The following DNASE2B variants were observed in gnomAD, a reference collection of about 807,000 sequenced individuals.
The protein encoded by DNASE2B is deoxyribonuclease 2 beta.
In DNASE2B, 43 loss-of-function variants were observed where a neutral mutation model predicts 46.0. The ratio of observed to expected loss-of-function variants is 0.94; its 90% confidence interval spans 0.73 to 1.21. DNASE2B has a LOEUF of 1.21. Ranked by LOEUF, DNASE2B falls within the 50% of genes most tolerant of loss-of-function variation. DNASE2B has a pLI of 0.00. For synonymous variants in DNASE2B, 156 were observed against 152.5 expected (o/e 1.02, Z -0.17); for missense variants, 395 against 414.4 (o/e 0.95, Z 0.41).
intron 4 of DNASE2B, among the ~76,000 whole-genome samples, chr1:84,411,383 A>G (rs1680588462): frequency 6.6e-6 from 1 of 151,126 alleles, no homozygotes; most frequent in Admixed American, 6.6e-5. Context: ...AAGCCTAATG[A>G]TTACAGATCT....
intron 2 of DNASE2B, among the ~76,000 whole-genome samples, chr1:84,405,815 A>G (rs1450670747): frequency 6.6e-6 from 1 of 152,200 alleles, no homozygotes; most frequent in Non-Finnish European, 1.5e-5. Context: ...TACTACAGTT[A>G]ATTTAATGCA....
At position 84,399,194 on chromosome 1, in the gene DNASE2B, G is replaced by A. The variant is rs149324607; in HGVS notation, c.125+505G>A. On this transcript the variant is annotated intron_variant, in intron 1 of 5. Transcript: ENST00000370665. ...GCAGAGGCAGCTGTTGCCATGATTG[G>A]TACGTAGGCCACTGGCCTGTTGTAC... 2.4e-3 allele frequency among the ~76,000 whole-genome samples: 362 copies of A among 152,356 alleles called. 5 individuals are homozygous for A. Among genetic ancestry groups the A allele is most frequent in the Non-Finnish European group, 1.1e-3 (72 of 68,032 alleles).
intron 2 of DNASE2B, among the ~76,000 whole-genome samples, chr1:84,403,832 G>A (rs950309526): frequency 6.6e-6 from 1 of 151,802 alleles, no homozygotes; most frequent in East Asian, 1.9e-4. Context: ...CGACACCCAG[G>A]CTGCAGTGCA....
chr1:84,404,842 T>C (rs1172802002), intron 2 of DNASE2B, among the ~76,000 whole-genome samples: 3 of 152,198 alleles, frequency 2.0e-5, no homozygotes, highest in Non-Finnish European at 4.4e-5. Flanking sequence ...GTTAGCAGCT[T>C]TATAGATAGG....
intron 2 of DNASE2B, among the ~76,000 whole-genome samples, chr1:84,402,519 C>T (rs12129197): frequency 0.015 from 2,210 of 152,240 alleles, 21 homozygotes; most frequent in South Asian, 0.03. Flanking sequence ...AAGGGTTCTA[C>T]TTGATCTTCC....
chr1:84,400,150 C>A (rs1388791243), intron 1 of DNASE2B, among the ~76,000 whole-genome samples: 1 of 152,170 alleles, frequency 6.6e-6, no homozygotes. Flanking sequence ...AGACAGATCA[C>A]CTGAGGTCAG....
At chr1:84,401,759 G>A in intron 1 of DNASE2B, 142 bp from the exon 2 acceptor site, 1 of 589,890 alleles carries the variant, frequency 1.7e-6, no homozygotes, top group Non-Finnish European at 2.8e-6. Flanking sequence ...TGAAGAAAGA[G>A]GCAAAGAGCT....
At chr1:84,399,527 G>A (rs1036543058) in intron 1 of DNASE2B, among the ~76,000 whole-genome samples, 1 of 152,196 alleles carries the variant, frequency 6.6e-6, no homozygotes, top group Non-Finnish European at 1.5e-5. Flanking sequence ...GGGGAACAGA[G>A]AGCCCAGAAA....
chr1:84,403,155 G>T (rs559913971), intron 2 of DNASE2B, among the ~76,000 whole-genome samples: 2 of 152,294 alleles, frequency 1.3e-5, no homozygotes, highest in Admixed American at 1.3e-4. Context: ...CAACAAACCT[G>T]CTTTGAATAA....
In DNASE2B at chr1:84,401,881, A is replaced by T. The variant is rs1484394818; in HGVS notation, c.126-20A>T. The T allele has an allele frequency of 1.4e-6, 2 of 1,464,522 alleles. No individual in the cohort carries two copies. Among genetic ancestry groups the T allele is most frequent in the Admixed American group, 3.0e-5 (1 of 33,610 alleles). The allele number at this position is 1,464,522 out of a possible 1,614,324, so 90.7% of individuals were successfully genotyped here. A position where few individuals can be genotyped will look rare whatever the true frequency, so the allele number is the denominator to read the frequency against. The stretch of plus-strand genomic sequence containing the variant: ...AACAGTCAATAAATGTTAGTAATTC[A>T]TAATCATTTTGTCTGTTAGGTTTAC... On this transcript the variant is annotated intron_variant, in intron 1 of 5. Transcript: ENST00000370665.
intron 2 of DNASE2B, among the ~76,000 whole-genome samples, chr1:84,403,244 T>C (rs1362813053): frequency 6.6e-6 from 1 of 152,228 alleles, no homozygotes; most frequent in Non-Finnish European, 1.5e-5. Flanking sequence ...TGTACAACTT[T>C]TGACTTCCTA....
chr1:84,412,967 C>T (rs527315177), intron 5 of DNASE2B, among the ~76,000 whole-genome samples: 7 of 148,488 alleles, frequency 4.7e-5, no homozygotes, highest in African/African-American at 1.8e-4. Flanking sequence ...CCCCCCCACC[C>T]CTCCAACAAT....
At chr1:84,408,618 C>A in intron 3 of DNASE2B, 100 bp downstream of exon 3, 3 of 917,682 alleles carry the variant, frequency 3.3e-6, no homozygotes, top group Non-Finnish European at 4.6e-6. Flanking sequence ...AATAGATAGC[C>A]TTTCTTCTTA....
intron 2 of DNASE2B, among the ~76,000 whole-genome samples, chr1:84,404,673 C>A (rs1305469867): frequency 6.6e-6 from 1 of 152,134 alleles, no homozygotes; most frequent in Admixed American, 6.6e-5. Flanking sequence ...TATCCAATAC[C>A]AAAAGAACTT....
Position 84,414,737 on chromosome 1 carries a change from T to C in DNASE2B, c.955T>C (p.Trp319Arg), listed in dbSNP as rs1387570076. ...TTCCCAAAAGGGCACCAAAAATCGC[T>C]GGACATGTATTGGAGACCTAAATCG... The part of the protein sequence containing the change: ...CISQKGTKNR[W>R]TCIGDLNRSP... The change falls in exon 6 of 6, where the codon TGG (tryptophan) becomes CGG (arginine). Residue 319 changes from tryptophan to arginine, a missense_variant. Coordinates refer to ENST00000370665, the MANE Select transcript of DNASE2B (RefSeq NM_021233.3). 1.2e-6 allele frequency: 2 copies of C among 1,614,200 alleles called. No homozygotes were observed. The highest frequency in any genetic ancestry group is 8.5e-7 in the Non-Finnish European group (1 of 1,180,010).
chr1:84,402,139 G>A, intron 2 of DNASE2B, 61 bp downstream of exon 2: 3 of 1,495,822 alleles, frequency 2.0e-6, no homozygotes, highest in African/African-American at 1.4e-5. Flanking sequence ...TGAATCCAAA[G>A]CCTTCACCAG....
intron 2 of DNASE2B, among the ~76,000 whole-genome samples, chr1:84,405,696 C>T (rs1325418752): frequency 2.6e-5 from 4 of 152,122 alleles, no homozygotes; most frequent in Non-Finnish European, 4.4e-5. Flanking sequence ...GAACTGCTCA[C>T]GTGGAGGTTG....
chr1:84,412,302 C>A, intron 4 of DNASE2B, 47 bp from the exon 5 acceptor site: 1 of 1,415,844 alleles, frequency 7.1e-7, no homozygotes, highest in Non-Finnish European at 9.4e-7. Context: ...CAGGTATTTC[C>A]ATTTGTGTCT....
At chr1:84,409,794 T>C (rs1680557510) in intron 3 of DNASE2B, among the ~76,000 whole-genome samples, 1 of 152,202 alleles carries the variant, frequency 6.6e-6, no homozygotes, top group Non-Finnish European at 1.5e-5. Flanking sequence ...AGGGGTTCTC[T>C]TGGCCAACAG....
Sources: allele counts gnomAD v4.1 joint callset (sites outside exome capture counted in the v4.1 genomes callset), GRCh38; gene constraint gnomAD v4.1.1; transcripts MANE v1.5; gene names NCBI Gene and HGNC (gene_info 2026-07-23, HGNC 2026-07-21).